TTF1: variants seen among roughly 807,000 people sequenced by gnomAD.
The protein encoded by TTF1 is transcription termination factor, RNA polymerase I.
In TTF1, 64 loss-of-function variants were observed where a neutral mutation model predicts 80.2. That is an observed-to-expected ratio of 0.80 (90% CI 0.65 to 0.98). The LOEUF (loss-of-function observed/expected upper bound fraction) is 0.98. Among genes scored for constraint, TTF1 ranks in the 50% least tolerant of loss-of-function variants. The probability of loss-of-function intolerance (pLI) is 0.00; values close to 1 mark genes in which losing one functional copy is unlikely to be tolerated. For missense variants in TTF1, 1,023 were observed against 1,086.2 expected, an observed-to-expected ratio of 0.94 and a Z score of 0.82; for synonymous variants, 372 against 382.7, an observed-to-expected ratio of 0.97 and a Z score of 0.33.
chr9:132,398,221 A>T lies in TTF1; in HGVS notation c.1697T>A (p.Leu566Gln). 1 of 1,605,356 alleles carries T rather than the reference A, an allele frequency of 6.2e-7. No individual in the cohort carries two copies. The highest frequency in any genetic ancestry group is 1.1e-5 in the South Asian group (1 of 89,542). ...ALTGIESADKLLYTDRYPEEK... is the reference protein window; with the variant it reads ...ALTGIESADKQLYTDRYPEEK... ...CTCAGGATATCTGTCCGTGTACAGC[A>T]GCTTGTCTGCACTCTCAATGCCTGT... The change falls in exon 4 of 11, where the codon CTG (leucine) becomes CAG (glutamine). Residue 566 changes from leucine (L) to glutamine (Q), a missense_variant. By Grantham distance (113) the Leu-to-Gln change is moderately radical. Transcript: ENST00000334270.
intron 10 of TTF1, among the ~76,000 whole-genome samples, chr9:132,378,310 TGA>T (rs1330031020): frequency 2.2e-5 from 3 of 135,754 alleles, no homozygotes; most frequent in Non-Finnish European, 3.1e-5. Context: ...GTGGTGTGTG[TGA>T]GTGCATGTGG....
In TTF1 at chr9:132,401,443, C is replaced by T; in HGVS notation, c.1367+12G>A. On this transcript the variant is annotated intron_variant, in intron 2 of 10. Coordinates refer to ENST00000334270, the MANE Select transcript of TTF1 (RefSeq NM_007344.4). Reference sequence around the variant, plus strand: ...AAATATACCAGCAGCTGGAATACCACTCCCTCGTTACCTTGGCGCCTCTTG... The same window carrying T: ...AAATATACCAGCAGCTGGAATACCATTCCCTCGTTACCTTGGCGCCTCTTG... 6.3e-7 allele frequency: 1 copy of T among 1,592,452 alleles called. No individual in the cohort carries two copies. The highest frequency in any genetic ancestry group is 8.6e-7 in the Non-Finnish European group (1 of 1,168,558).
intron 8 of TTF1, 50 bp downstream of exon 8, chr9:132,388,087 CTT>C (rs1849500916): frequency 3.4e-6 from 5 of 1,449,872 alleles, no homozygotes; most frequent in Non-Finnish European, 3.8e-6. Flanking sequence ...AACAACTTCT[CTT>C]TGGCTAGAGA....
At position 132,392,123 on chromosome 9, in the gene TTF1, GCCA is replaced by G. The variant is rs892169499; in HGVS notation, c.1937_1939del (p.Val646del). ...GAGGGCCACGGAGAGGCTACTTCGG[GCCA>G]CCATCTCACCAATCGTCTTCCAGTC... On this transcript the variant is annotated inframe_deletion, in exon 6 of 11. Transcript: ENST00000334270. 6.2e-7 allele frequency: 1 copy of G among 1,614,134 alleles called. No homozygotes were observed. The highest frequency in any genetic ancestry group is 1.3e-5 in the African/African-American group (1 of 75,042).
chr9:132,406,038 C>G (rs73659027), intron 1 of TTF1, among the ~76,000 whole-genome samples: 13,779 of 152,208 alleles, frequency 0.091, 690 homozygotes, highest in African/African-American at 0.13. Flanking sequence ...ATAATATGAT[C>G]GGCTTCTTGA....
intron 6 of TTF1, 99 bp downstream of exon 6, chr9:132,391,977 G>A: frequency 6.4e-7 from 1 of 1,555,652 alleles, no homozygotes; most frequent in East Asian, 2.3e-5. Flanking sequence ...GCGGAAGACA[G>A]GTCTACGGTG....
At chr9:132,391,945 C>T (rs1352839907) in intron 6 of TTF1, 131 bp downstream of exon 6, 5 of 1,414,464 alleles carry the variant, frequency 3.5e-6, no homozygotes, top group Middle Eastern at 2.6e-4. Flanking sequence ...GTATAGAGAA[C>T]AGCTTAAGAA....
At chr9:132,400,719 T>G (rs1442685962) in intron 2 of TTF1, among the ~76,000 whole-genome samples, 1 of 152,222 alleles carries the variant, frequency 6.6e-6, no homozygotes, top group Admixed American at 6.5e-5. Flanking sequence ...TCAAACTTTT[T>G]ACTGGAACTT....
Position 132,390,705 on chromosome 9 carries a change from G to A in TTF1, c.2114C>T (p.Pro705Leu). 6.2e-7 allele frequency: 1 copy of A among 1,614,212 alleles called. No individual in the cohort carries two copies. Among genetic ancestry groups the A allele is most frequent in the Non-Finnish European group, 8.5e-7 (1 of 1,180,046 alleles). Reference protein sequence around the residue: ...KEVDSKLQENPESCLSIVREK... With the variant: ...KEVDSKLQENLESCLSIVREK... ...CCGAACAATTGATAGGCAACTTTCA[G>A]GATTTTCTTGGAGTTTGGAATCCAC... Residue 705 changes from proline (P) to leucine (L), a missense_variant, in exon 7 of 11, where the codon CCT (proline) becomes CTT (leucine). Physicochemically the swap from Pro to Leu is moderately conservative, Grantham distance 98. Coordinates refer to ENST00000334270, the MANE Select transcript of TTF1 (RefSeq NM_007344.4).
intron 5 of TTF1, among the ~76,000 whole-genome samples, chr9:132,395,199 G>GA (rs920800427): frequency 7.3e-5 from 11 of 151,488 alleles, no homozygotes; most frequent in African/African-American, 2.7e-4. Flanking sequence ...TTCAAAAAAA[G>GA]AAAAAAACAA....
intron 5 of TTF1, among the ~76,000 whole-genome samples, chr9:132,396,197 A>G (rs1056695940): frequency 6.6e-6 from 1 of 152,208 alleles, no homozygotes; most frequent in Non-Finnish European, 1.5e-5. Context: ...GTGCTAAAGA[A>G]AAAGTGTAGA....
chr9:132,396,344 T>G (rs868108518), intron 5 of TTF1, 89 bp downstream of exon 5: 8 of 1,321,640 alleles, frequency 6.1e-6, no homozygotes, highest in Non-Finnish European at 7.6e-6. Context: ...TTATCTTTAC[T>G]GCTAATCCAC....
At chr9:132,379,986 T>A (rs1302567341) in intron 9 of TTF1, among the ~76,000 whole-genome samples, 1 of 152,198 alleles carries the variant, frequency 6.6e-6, no homozygotes, top group Non-Finnish European at 1.5e-5. Context: ...TAAAAGATGA[T>A]CAGATTCTTC....
At chr9:132,406,669 G>A (rs1849874625) in intron 1 of TTF1, 121 bp downstream of exon 1, 1 of 151,196 alleles carries the variant, frequency 6.6e-6, no homozygotes, top group Admixed American at 6.6e-5. Context: ...CAAAGACCGC[G>A]GCCTGGAGAC....
chr9:132,406,431 G>A (rs1849868393), intron 1 of TTF1, among the ~76,000 whole-genome samples: 3 of 152,034 alleles, frequency 2.0e-5, no homozygotes, highest in Non-Finnish European at 4.4e-5. Context: ...GTGAAACCCT[G>A]TCTCTACTAA....
chr9:132,386,686 G>T, intron 8 of TTF1, 65 bp from the exon 9 acceptor site: 2 of 1,333,338 alleles, frequency 1.5e-6, no homozygotes, highest in Non-Finnish European at 2.1e-6. Flanking sequence ...CTTCATGGAC[G>T]CGTGGAGTGC....
chr9:132,396,615 C>A, intron 4 of TTF1, 104 bp from the exon 5 acceptor site: 1 of 883,056 alleles, frequency 1.1e-6, no homozygotes, highest in Non-Finnish European at 1.9e-6. Flanking sequence ...TATCCTAAGC[C>A]CCGTGTTAAG....
rs10631521 is a variant in TTF1 at position 132,392,589 on chromosome 9, C to CT, written c.1857-384_1857-383insA. On this transcript the variant is annotated intron_variant, in intron 5 of 10. Coordinates refer to ENST00000334270, the MANE Select transcript of TTF1 (RefSeq NM_007344.4). ...CCTGACCCCCTTAGCCTGAAGTCCC[C>CT]GTTGATTGCTCCTGGAGAACACCGT... is the stretch of plus-strand genomic sequence containing the variant. Among the ~76,000 whole-genome samples, 489 of 152,170 alleles carry CT rather than the reference C, an allele frequency of 3.2e-3. 1 individual carries two copies. Among genetic ancestry groups the CT allele is most frequent in the African/African-American group, 0.011 (455 of 41,496 alleles).
rs80218026 is a variant in TTF1 at position 132,398,545 on chromosome 9, A to G, written c.1592-219T>C. On this transcript the variant is annotated intron_variant, in intron 3 of 10. Coordinates refer to ENST00000334270, the MANE Select transcript of TTF1 (RefSeq NM_007344.4). ...ATGTCTTCCCGGGTCATCCTATTCC[A>G]AAGTGACCTTTCCTGTTTAATCTAT... 9.5e-3 allele frequency among the ~76,000 whole-genome samples: 1,440 copies of G among 152,302 alleles called. 10 individuals carry two copies. Among genetic ancestry groups the G allele is most frequent in the Non-Finnish European group, 0.015 (1,048 of 68,018 alleles).
Sources: gnomAD v4.1 joint callset for allele counts (sites outside exome capture counted in the v4.1 genomes callset) on GRCh38, gnomAD v4.1.1 for gene constraint, MANE v1.5 for transcripts, NCBI Gene and HGNC (gene_info 2026-07-23, HGNC 2026-07-21) for gene names.